BTBD9: variants seen among roughly 807,000 people sequenced by gnomAD.
BTBD9 encodes the protein BTB domain containing 9, also known as BTB/POZ domain-containing protein 9.
A neutral mutation model predicts 64.3 loss-of-function variants in BTBD9; 49 were observed. That is an observed-to-expected ratio of 0.76 (90% CI 0.61 to 0.97). BTBD9 has a LOEUF of 0.97. Ranked by LOEUF, BTBD9 falls within the 50% of genes least tolerant of loss-of-function variation. The pLI is 0.00. For missense variants in BTBD9, 598 were observed against 762.1 expected (o/e 0.78, Z 2.53); for synonymous variants, 260 against 274.7 (o/e 0.95, Z 0.53).
chr6:38,237,392 A>G (rs926844359), intron 9 of BTBD9, among the ~76,000 whole-genome samples: 3 of 152,076 alleles, frequency 2.0e-5, no homozygotes, highest in African/African-American at 7.2e-5. Flanking sequence ...AGTTCAAACA[A>G]CTCCTGCATG....
rs916976028 is a variant in BTBD9, at chr6:38,460,764, C to T, written c.1155-115671G>A. On this transcript the variant is annotated intron_variant, in intron 6 of 10. Coordinates refer to ENST00000481247, the MANE Select transcript of BTBD9 (RefSeq NM_001099272.2). ...TCAGCCTCCCAAGTAGCTGGGACTA[C>T]AGGCGCCTGCCATCACGCCCGGCTA... is the stretch of plus-strand genomic sequence containing the variant. Among the ~76,000 whole-genome samples the T allele has an allele frequency of 3.9e-5, 6 of 152,272 alleles. No individual in the cohort carries two copies. The South Asian group carries it at 6.2e-4, about 16-fold the overall frequency.
intron 6 of BTBD9, among the ~76,000 whole-genome samples, chr6:38,374,326 T>TATATAC (rs1191582607): frequency 8.2e-6 from 1 of 122,354 alleles, no homozygotes; most frequent in African/African-American, 3.2e-5. Flanking sequence ...TATATATATA[T>TATATAC]GTATATAAAA....
Position 38,580,207 on chromosome 6 carries a change from T to C in BTBD9, c.1034+11A>G. 6.2e-7 allele frequency: 1 copy of C among 1,609,650 alleles called. No homozygotes were observed. The highest frequency in any genetic ancestry group is 8.5e-7 in the Non-Finnish European group (1 of 1,176,024). On this transcript the variant is annotated intron_variant, in intron 5 of 10. Coordinates refer to ENST00000481247, the MANE Select transcript of BTBD9 (RefSeq NM_001099272.2). ...CATAATGTCAGTTTCTAAGTCATGC[T>C]AATCACTTACCGGCTATCTCGGTCC...
chr6:38,418,577 T>C (rs1767774026), intron 6 of BTBD9, among the ~76,000 whole-genome samples: 1 of 152,238 alleles, frequency 6.6e-6, no homozygotes, highest in Non-Finnish European at 1.5e-5. Flanking sequence ...AGTTTTCTCC[T>C]TATGGCAGTA....
At chr6:38,306,429 T>C (rs1035386874) in intron 7 of BTBD9, among the ~76,000 whole-genome samples, 4 of 152,210 alleles carry the variant, frequency 2.6e-5, no homozygotes, top group African/African-American at 9.7e-5. Flanking sequence ...AAATTACTTT[T>C]CCCCCTCTGT....
At chr6:38,553,230 C>T (rs1296073780) in intron 6 of BTBD9, among the ~76,000 whole-genome samples, 1 of 152,110 alleles carries the variant, frequency 6.6e-6, no homozygotes, top group Non-Finnish European at 1.5e-5. Context: ...TCAGAAAAGC[C>T]ATCAGACCCT....
intron 6 of BTBD9, among the ~76,000 whole-genome samples, chr6:38,404,407 T>C (rs1244733351): frequency 1.3e-5 from 2 of 152,186 alleles, no homozygotes; most frequent in African/African-American, 4.8e-5. Flanking sequence ...GTAACCTTAC[T>C]TGATACAGAA....
intron 6 of BTBD9, among the ~76,000 whole-genome samples, chr6:38,509,768 G>A (rs1037372013): frequency 6.6e-6 from 1 of 152,122 alleles, no homozygotes; most frequent in Non-Finnish European, 1.5e-5. Flanking sequence ...CCTGAACACA[G>A]CAGCCTCAGT....
chr6:38,548,593 T>C (rs538914499), intron 6 of BTBD9, among the ~76,000 whole-genome samples: 1 of 145,738 alleles, frequency 6.9e-6, no homozygotes, highest in Non-Finnish European at 1.5e-5. Flanking sequence ...AAGCAAAATA[T>C]CTATTTTTTT....
intron 6 of BTBD9, among the ~76,000 whole-genome samples, chr6:38,523,157 T>C (rs538180108): frequency 6.6e-6 from 1 of 152,108 alleles, no homozygotes; most frequent in Non-Finnish European, 1.5e-5. Context: ...TACTCCAGCC[T>C]GGGTGACAGA....
intron 6 of BTBD9, among the ~76,000 whole-genome samples, chr6:38,428,791 C>T (rs1307352520): frequency 2.0e-5 from 3 of 150,624 alleles, no homozygotes; most frequent in Non-Finnish European, 1.5e-5. Context: ...CGGCTCACTG[C>T]AAACTCTGCC....
intron 2 of BTBD9, among the ~76,000 whole-genome samples, chr6:38,596,855 A>G (rs907644438): frequency 3.3e-5 from 5 of 151,874 alleles, no homozygotes; most frequent in African/African-American, 1.2e-4. Context: ...TAATGACTGG[A>G]CCAAAATTTT....
chr6:38,511,781 A>G (rs188339191), intron 6 of BTBD9, among the ~76,000 whole-genome samples: 37 of 152,290 alleles, frequency 2.4e-4, no homozygotes, highest in African/African-American at 8.7e-4. Flanking sequence ...TTCACATGGA[A>G]AGGCAAAAGG....
intron 6 of BTBD9, among the ~76,000 whole-genome samples, chr6:38,412,303 A>G (rs940723853): frequency 1.8e-4 from 27 of 152,298 alleles, no homozygotes; most frequent in African/African-American, 5.5e-4. Context: ...AACCAAGCGG[A>G]GTTCACAGAA....
chr6:38,578,149 C>T (rs1776136770), intron 5 of BTBD9, among the ~76,000 whole-genome samples: 1 of 152,120 alleles, frequency 6.6e-6, no homozygotes, highest in Non-Finnish European at 1.5e-5. Context: ...CCTCTACCTT[C>T]CCTGGCCAGG....
At chr6:38,442,792 C>T (rs1242188465) in intron 6 of BTBD9, among the ~76,000 whole-genome samples, 1 of 151,068 alleles carries the variant, frequency 6.6e-6, no homozygotes, top group East Asian at 1.9e-4. Context: ...GCCTCAGCCT[C>T]CTGAGTAGCT....
intron 6 of BTBD9, among the ~76,000 whole-genome samples, chr6:38,450,804 G>A (rs1769503708): frequency 6.6e-6 from 1 of 152,138 alleles, no homozygotes. Flanking sequence ...TGACTCAGAA[G>A]GGGACAATGC....
In BTBD9 at chr6:38,428,267, G is replaced by C. The variant is rs78128943; in HGVS notation, c.1155-83174C>G. 7.3e-4 allele frequency among the ~76,000 whole-genome samples: 111 copies of C among 151,996 alleles called. 3 individuals are homozygous for C. The highest frequency in any genetic ancestry group is 2.6e-3 in the African/African-American group (107 of 41,308). ...ATGCTTCTTCAGGAGTTGGGCCCTT[G>C]AAAGGAAAAGCAGCATTGCAATAGA... On this transcript the variant is annotated intron_variant, in intron 6 of 10. Transcript: ENST00000481247.
chr6:38,566,126 A>G (rs1189636093), intron 6 of BTBD9: 3 of 152,248 alleles, frequency 2.0e-5, no homozygotes, highest in Non-Finnish European at 4.4e-5. Flanking sequence ...CACAATAAAT[A>G]TAAAGATATA....
Sources: gnomAD v4.1 joint callset for allele counts (sites outside exome capture counted in the v4.1 genomes callset) on GRCh38, gnomAD v4.1.1 for gene constraint, MANE v1.5 for transcripts, NCBI Gene and HGNC (gene_info 2026-07-23, HGNC 2026-07-21) for gene names.